TTC28: variants seen among roughly 807,000 people sequenced by gnomAD.
The protein encoded by TTC28 is tetratricopeptide repeat domain 28.
In TTC28, 61 loss-of-function variants were observed where a neutral mutation model predicts 198.0. The observed-to-expected ratio is 0.31, with a 90% CI of 0.25 to 0.38. TTC28 has a LOEUF of 0.38. Among genes scored for constraint, TTC28 ranks in the 10% least tolerant of loss-of-function variants. The pLI is 1.00. For missense variants in TTC28, 2,678 were observed against 3,164.0 expected (o/e 0.85, Z 3.69); for synonymous variants, 1,171 against 1,297.8 (o/e 0.90, Z 2.10).
At chr22:28,673,041 CA>C (rs1480569912) in intron 1 of TTC28, among the ~76,000 whole-genome samples, 1 of 152,102 alleles carries the variant, frequency 6.6e-6, no homozygotes, top group Non-Finnish European at 1.5e-5. Flanking sequence ...GGTCTAAGCA[CA>C]ACAAACCTGA....
chr22:28,658,624 A>T (rs2051696224), intron 1 of TTC28, among the ~76,000 whole-genome samples: 1 of 152,232 alleles, frequency 6.6e-6, no homozygotes, highest in Non-Finnish European at 1.5e-5. Context: ...TAGTTGCACA[A>T]CATCATGAAT....
intron 5 of TTC28, among the ~76,000 whole-genome samples, chr22:28,260,677 C>T (rs1471973133): frequency 6.6e-6 from 1 of 152,126 alleles, no homozygotes; most frequent in African/African-American, 2.4e-5. Context: ...AGAAAAACAG[C>T]ATCACCAAAA....
intron 5 of TTC28, among the ~76,000 whole-genome samples, chr22:28,268,401 G>A (rs776733882): frequency 1.8e-4 from 27 of 152,194 alleles, no homozygotes; most frequent in Non-Finnish European, 2.9e-4. Flanking sequence ...TGATTCATGA[G>A]GTTAGGTAAA....
chr22:28,264,812 A>G (rs1276011427), intron 5 of TTC28, among the ~76,000 whole-genome samples: 1 of 152,162 alleles, frequency 6.6e-6, no homozygotes, highest in African/African-American at 2.4e-5. Context: ...CCTGTGATAT[A>G]CACTGAAGAC....
At chr22:28,038,327 A>G (rs1172192759) in intron 12 of TTC28, among the ~76,000 whole-genome samples, 1 of 152,226 alleles carries the variant, frequency 6.6e-6, no homozygotes, top group Non-Finnish European at 1.5e-5. Context: ...AGAGATATAG[A>G]CCAATGGAAC....
At chr22:28,112,942 C>T (rs1942526629) in intron 6 of TTC28, among the ~76,000 whole-genome samples, 1 of 152,276 alleles carries the variant, frequency 6.6e-6, no homozygotes, top group South Asian at 2.1e-4. Flanking sequence ...CAGCAGGTCT[C>T]CACCTATGGG....
rs529931696 is a variant in TTC28, at chr22:28,529,464, G to A, written c.381+100088C>T. Among the ~76,000 whole-genome samples, 45 of 152,298 alleles carry A rather than the reference G, an allele frequency of 3.0e-4. 1 individual carries two copies. The Middle Eastern group carries it at 0.014, about 46-fold the overall frequency. On this transcript the variant is annotated intron_variant, in intron 2 of 22. Transcript: ENST00000397906. ...TCAAAGAGGCCTGCTTGCCTCTGTA[G>A]ACTCCACCTTTGAGGGCAGGGCATA...
At chr22:28,093,223 G>C (rs1941865132) in intron 12 of TTC28, among the ~76,000 whole-genome samples, 1 of 152,170 alleles carries the variant, frequency 6.6e-6, no homozygotes, top group Non-Finnish European at 1.5e-5. Flanking sequence ...TCCAGCTGCT[G>C]GCAGCAACCA....
At chr22:28,205,999 A>AC (rs1370279748) in intron 5 of TTC28, among the ~76,000 whole-genome samples, 1 of 151,958 alleles carries the variant, frequency 6.6e-6, no homozygotes, top group East Asian at 1.9e-4. Context: ...GTGTCAAAAA[A>AC]AAAAAAAAGG....
intron 2 of TTC28, among the ~76,000 whole-genome samples, chr22:28,435,154 G>A (rs912072847): frequency 4.6e-5 from 7 of 152,120 alleles, no homozygotes; most frequent in African/African-American, 7.2e-5. Flanking sequence ...GTATACAGAA[G>A]GTGTAAGTCA....
At chr22:28,581,108 G>A (rs1003016413) in intron 2 of TTC28, among the ~76,000 whole-genome samples, 1 of 152,064 alleles carries the variant, frequency 6.6e-6, no homozygotes, top group Non-Finnish European at 1.5e-5. Flanking sequence ...GTCCTCATGC[G>A]AGGTAACTGG....
chr22:28,633,933 A>G lies in TTC28; in HGVS notation c.103-4103T>C, dbSNP rs916448144. On this transcript the variant is annotated intron_variant, in intron 1 of 22. Transcript: ENST00000397906. ...TTATAGTGAAGGATCTGGCAAGTCC[A>G]GAAATTGCTCGAAACACTGATGTAA... Among the ~76,000 whole-genome samples, 13 of 152,296 alleles carry G rather than the reference A, an allele frequency of 8.5e-5. No individual in the cohort carries two copies. The South Asian group carries it at 2.5e-3, about 29-fold the overall frequency.
chr22:28,099,173 A>G (rs1601617685), intron 9 of TTC28, 129 bp from the exon 10 acceptor site: 2 of 1,290,434 alleles, frequency 1.5e-6, no homozygotes, highest in East Asian at 2.6e-5. Flanking sequence ...TGAAAGGAAG[A>G]GTCTGATGTC....
At chr22:28,561,821 A>C (rs546991215) in intron 2 of TTC28, among the ~76,000 whole-genome samples, 68 of 152,182 alleles carry the variant, frequency 4.5e-4, no homozygotes, top group African/African-American at 1.6e-3. Flanking sequence ...GCTTTTTTTT[A>C]AATCATTCAA....
At chr22:28,411,086 C>T (rs562501250) in intron 2 of TTC28, among the ~76,000 whole-genome samples, 2 of 152,200 alleles carry the variant, frequency 1.3e-5, no homozygotes, top group East Asian at 3.9e-4. Flanking sequence ...GGACTAAGTT[C>T]TCTTGCTAAA....
At position 28,146,912 on chromosome 22, in the gene TTC28, T is replaced by C. The variant is rs111290482; in HGVS notation, c.1441+16180A>G. Among the ~76,000 whole-genome samples the C allele has an allele frequency of 6.0e-4, 92 of 152,322 alleles. 1 individual carries two copies. Among genetic ancestry groups the C allele is most frequent in the Admixed American group, 1.6e-3 (24 of 15,298 alleles). On this transcript the variant is annotated intron_variant, in intron 6 of 22. Transcript: ENST00000397906. Reference sequence around the variant, plus strand: ...ATTTACTTCACTTTTTAATTGCTCTTGGAAACATTTTAAATGGCACCAATG... The same window carrying C: ...ATTTACTTCACTTTTTAATTGCTCTCGGAAACATTTTAAATGGCACCAATG...
rs534744744 is a variant in TTC28, at chr22:28,221,246, C to T, written c.934-57647G>A. 9.2e-5 allele frequency among the ~76,000 whole-genome samples: 14 copies of T among 152,184 alleles called. No homozygotes were observed. The South Asian group carries it at 2.7e-3, about 29-fold the overall frequency. Reference sequence around the variant, plus strand: ...GGAATTGGAAGGCTAATCAGAAAAGCAAGCAAAAGCCCAGTCACAAAAACC... The same window carrying T: ...GGAATTGGAAGGCTAATCAGAAAAGTAAGCAAAAGCCCAGTCACAAAAACC... On this transcript the variant is annotated intron_variant, in intron 5 of 22. Coordinates refer to ENST00000397906, the MANE Select transcript of TTC28 (RefSeq NM_001145418.2).
rs1047341736 is a variant in TTC28 at position 28,163,592 on chromosome 22, G to A, written c.941C>T (p.Ser314Leu). Residue 314 changes from serine to leucine, a missense_variant, in exon 6 of 23, where the codon TCA becomes TTA. Physicochemically the swap from Ser to Leu is moderately radical, Grantham distance 145. Transcript: ENST00000397906. ...GTGGCCCAGACTGCTCAAGGCTGATGAAGCTGCCTGGAGAGAAAAGGATAA... is the reference window on the plus strand; with the variant it reads ...GTGGCCCAGACTGCTCAAGGCTGATAAAGCTGCCTGGAGAGAAAAGGATAA... ...AMKLKDREAA[S>L]SALSSLGHVY... is the part of the protein sequence containing the mutation. The A allele has an allele frequency of 6.5e-7, 1 of 1,532,504 alleles. No homozygotes were observed. Among genetic ancestry groups the A allele is most frequent in the Non-Finnish European group, 8.8e-7 (1 of 1,137,430 alleles). 94.9% of individuals were successfully genotyped at this position (1,532,504 alleles called of 1,614,324 possible). A position where few individuals can be genotyped will look rare whatever the true frequency, so the allele number is the denominator to read the frequency against.
chr22:28,614,102 G>A (rs954187939), intron 2 of TTC28, among the ~76,000 whole-genome samples: 1 of 152,068 alleles, frequency 6.6e-6, no homozygotes, highest in Admixed American at 6.6e-5. Context: ...AAAGTCTCAG[G>A]ATACAAAATC....
Sources: allele counts gnomAD v4.1 joint callset (sites outside exome capture counted in the v4.1 genomes callset), GRCh38; gene constraint gnomAD v4.1.1; transcripts MANE v1.5; gene names NCBI Gene and HGNC (gene_info 2026-07-23, HGNC 2026-07-21).